The following CELF2 variants were observed in gnomAD, a reference collection of about 807,000 sequenced individuals.
The protein encoded by CELF2 is CUGBP Elav-like family member 2.
CELF2 carries 8 observed loss-of-function variants against 62.6 expected under a neutral mutation model. The ratio of observed to expected loss-of-function variants is 0.13; its 90% CI spans 0.07 to 0.23. The LOEUF (loss-of-function observed/expected upper bound fraction) is 0.23, where lower values mean the gene tolerates loss of function less well. CELF2 is among the 10% of genes least tolerant of loss of function. CELF2 has a pLI of 1.00. For synonymous variants in CELF2, 258 were observed against 250.0 expected, an observed-to-expected ratio of 1.03 and a Z score of -0.30; for missense variants, 333 against 671.0, an observed-to-expected ratio of 0.50 and a Z score of 5.56.
the CELF2 span, among the ~76,000 whole-genome samples, chr10:10,529,853 G>A: frequency 2.0e-5 from 3 of 152,086 alleles, no homozygotes; most frequent in South Asian, 2.1e-4. Context: ...CCACATCAGT[G>A]GCTATGAACA....
chr10:11,009,542 G>A (rs925818817), intron 1 of CELF2, among the ~76,000 whole-genome samples: 14 of 152,058 alleles, frequency 9.2e-5, no homozygotes, highest in East Asian at 1.9e-4. Context: ...TGACTGATCC[G>A]GCACATTTTC....
At chr10:10,866,920 CAAAAAAA>C (rs56098222) in intron 1 of CELF2, among the ~76,000 whole-genome samples, 2 of 97,712 alleles carry the variant, frequency 2.0e-5, no homozygotes, top group African/African-American at 8.6e-5. Flanking sequence ...AACTCCTTCT[CAAAAAAA>C]AAAAAAAAAA....
chr10:11,058,095 A>C (rs1375915935), intron 1 of CELF2, among the ~76,000 whole-genome samples: 1 of 152,026 alleles, frequency 6.6e-6, no homozygotes, highest in African/African-American at 2.4e-5. Context: ...ACGGAATCTA[A>C]TGTTAAAACC....
At chr10:11,101,534 CA>C (rs1322448439) in intron 1 of CELF2, among the ~76,000 whole-genome samples, 2 of 152,166 alleles carry the variant, frequency 1.3e-5, no homozygotes, top group Admixed American at 6.5e-5. Flanking sequence ...GTTTCAAGGT[CA>C]GAGAAATTGA....
At chr10:11,035,010 C>T (rs748925658) in intron 1 of CELF2, among the ~76,000 whole-genome samples, 2 of 152,114 alleles carry the variant, frequency 1.3e-5, no homozygotes, top group South Asian at 2.1e-4. Flanking sequence ...GTCCTAGCAT[C>T]GTCATTAATA....
chr10:10,591,381 A>G, the CELF2 span, among the ~76,000 whole-genome samples: 1 of 152,180 alleles, frequency 6.6e-6, no homozygotes, highest in African/African-American at 2.4e-5. Context: ...TGCTTTCAGT[A>G]CATTAATACT....
chr10:10,939,622 G>A (rs2046823456), intron 2 of CELF2, among the ~76,000 whole-genome samples: 1 of 151,624 alleles, frequency 6.6e-6, no homozygotes, highest in South Asian at 2.1e-4. Context: ...TTTATTCAAT[G>A]AAGGGAGGGA....
At chr10:10,912,984 G>C (rs1005724619) in intron 1 of CELF2, among the ~76,000 whole-genome samples, 10 of 152,186 alleles carry the variant, frequency 6.6e-5, no homozygotes, top group African/African-American at 2.2e-4. Context: ...GCCTGTAAAT[G>C]GCCTGGAATA....
At chr10:11,025,268 G>A (rs28780971) in intron 1 of CELF2, among the ~76,000 whole-genome samples, 2,942 of 112,466 alleles carry the variant, frequency 0.026, 45 homozygotes, top group Non-Finnish European at 0.04. Flanking sequence ...TATCTGGAAA[G>A]TCATCTTATT....
rs189932314 is a variant in CELF2, at chr10:11,012,488, G to A, written c.53+7048G>A. ...GAGAATTTGATTCCTGCCAAGATCC[G>A]TCTCAGACAACCCCACCCTCAAGCT... is the stretch of plus-strand genomic sequence containing the variant. On this transcript the variant is annotated intron_variant, in intron 1 of 12. Transcript: ENST00000416382. The surrounding 1 kb of genome is among the most constrained non-coding windows in gnomAD (Gnocchi z 5.5). Among the ~76,000 whole-genome samples the A allele has an allele frequency of 3.9e-5, 6 of 152,248 alleles. No homozygotes were observed. The highest frequency in any genetic ancestry group is 1.9e-4 in the East Asian group (1 of 5,184).
At chr10:10,786,493 AT>A in the CELF2 span, among the ~76,000 whole-genome samples, 5 of 145,068 alleles carry the variant, frequency 3.4e-5, no homozygotes, top group Non-Finnish European at 3.0e-5. Flanking sequence ...AAAAAAAAAA[AT>A]TCCTAGAAAG....
chr10:10,678,870 G>A, the CELF2 span, among the ~76,000 whole-genome samples: 1 of 152,164 alleles, frequency 6.6e-6, no homozygotes, highest in African/African-American at 2.4e-5. Context: ...TGGGGTTTAT[G>A]CTGCTACAAT....
At chr10:10,474,802 T>C in the CELF2 span, among the ~76,000 whole-genome samples, 459 of 152,166 alleles carry the variant, frequency 3.0e-3, 3 homozygotes, top group African/African-American at 0.011. Context: ...GACTGTACTC[T>C]CTCTACATGT....
At chr10:10,656,953 A>T in the CELF2 span, among the ~76,000 whole-genome samples, 2 of 152,144 alleles carry the variant, frequency 1.3e-5, no homozygotes, top group Non-Finnish European at 2.9e-5. Context: ...GTCCACACAA[A>T]AAAACTTACA....
rs1311142387 is a variant in CELF2 at position 11,255,715 on chromosome 10, C to T, written c.404-2023C>T. 2.0e-5 allele frequency among the ~76,000 whole-genome samples: 3 copies of T among 152,140 alleles called. No individual in the cohort carries two copies. The highest frequency in any genetic ancestry group is 4.4e-5 in the Non-Finnish European group (3 of 68,040). ...CCGTCCCTGCCTCAAGAGCCCCAGT[C>T]ACCCCGAGTATGTCACAGGCCACCT... On this transcript the variant is annotated intron_variant, in intron 4 of 12. Transcript: ENST00000633077. The surrounding 1 kb of genome is among the most constrained non-coding windows in gnomAD (Gnocchi z 5.5).
the CELF2 span, among the ~76,000 whole-genome samples, chr10:10,551,447 G>C: frequency 6.6e-6 from 1 of 152,098 alleles, no homozygotes; most frequent in Non-Finnish European, 1.5e-5. Context: ...CCGGCAGCTG[G>C]GGAGTTAAGT....
chr10:11,259,709 G>A (rs1021161376), intron 5 of CELF2, among the ~76,000 whole-genome samples: 2 of 152,162 alleles, frequency 1.3e-5, no homozygotes, highest in Non-Finnish European at 2.9e-5. Context: ...ATACTAGCAT[G>A]CCTTCCTAGG....
chr10:11,005,044 T>C (rs2054949391), upstream of CELF2: 1 of 985,176 alleles, frequency 1.0e-6, no homozygotes, highest in Admixed American at 6.2e-5. This position sits in a 1 kb window ranked among gnomAD's most constrained non-coding sequence, Gnocchi z 4.3. Context: ...CCCCAATTTT[T>C]AAAGATGGTA....
At chr10:10,691,201 C>T in the CELF2 span, among the ~76,000 whole-genome samples, 68 of 151,750 alleles carry the variant, frequency 4.5e-4, no homozygotes, top group South Asian at 4.2e-4. Flanking sequence ...GTTCCCCTTC[C>T]TGTGTCCATG....
Sources: gnomAD v4.1 joint callset for allele counts (sites outside exome capture counted in the v4.1 genomes callset) on GRCh38, gnomAD v4.1.1 for gene constraint, Gnocchi (gnomAD v3.1) non-coding constraint, MANE v1.5 for transcripts, NCBI Gene and HGNC (gene_info 2026-07-23, HGNC 2026-07-21) for gene names.